Variants in GSE1 observed in about 807,000 individuals in gnomAD.
GSE1 encodes the protein Gse1 coiled-coil protein.
GSE1 carries 32 observed loss-of-function variants against 112.6 expected under a neutral mutation model. The ratio of observed to expected loss-of-function variants is 0.28; its 90% CI spans 0.21 to 0.38. The LOEUF (loss-of-function observed/expected upper bound fraction) is 0.38, where lower values mean the gene tolerates loss of function less well. Ranked by LOEUF, GSE1 falls within the 10% of genes least tolerant of loss-of-function variation. GSE1 has a pLI of 1.00. For synonymous variants in GSE1, 1,115 were observed against 735.6 expected (o/e 1.52, Z -8.35); for missense variants, 2,348 against 1,699.2 (o/e 1.38, Z -6.71).
intron 1 of GSE1, among the ~76,000 whole-genome samples, chr16:85,217,526 G>A (rs1025236093): frequency 6.6e-6 from 1 of 152,254 alleles, no homozygotes; most frequent in African/African-American, 2.4e-5. Context: ...GGCTCAGAGA[G>A]TGCGTGACTT....
At chr16:85,309,987 C>G (rs1407952421) in intron 1 of GSE1, among the ~76,000 whole-genome samples, 6 of 152,258 alleles carry the variant, frequency 3.9e-5, no homozygotes, top group Non-Finnish European at 8.8e-5. Flanking sequence ...GTGCTTTCCA[C>G]ATGACCTGCC....
At chr16:85,520,732 A>G (rs1278441510) in intron 2 of GSE1, among the ~76,000 whole-genome samples, 1 of 152,030 alleles carries the variant, frequency 6.6e-6, no homozygotes, top group Non-Finnish European at 1.5e-5. Flanking sequence ...CCCTGCTCCT[A>G]TTTTTATTCT....
At chr16:85,526,943 A>T (rs1234906183) in intron 2 of GSE1, among the ~76,000 whole-genome samples, 5 of 152,234 alleles carry the variant, frequency 3.3e-5, no homozygotes, top group African/African-American at 1.2e-4. Flanking sequence ...TCATCTATTT[A>T]ATTAAGTAGC....
intron 1 of GSE1, among the ~76,000 whole-genome samples, chr16:85,628,394 G>T (rs1004003822): frequency 2.0e-5 from 3 of 152,242 alleles, no homozygotes; most frequent in African/African-American, 7.2e-5. Flanking sequence ...GCTGGAGGGG[G>T]CCCATGGGGC....
chr16:85,358,837 G>A (rs531073935), intron 2 of GSE1, among the ~76,000 whole-genome samples: 7 of 152,198 alleles, frequency 4.6e-5, no homozygotes, highest in Admixed American at 2.6e-4. Flanking sequence ...CTGCTCTGCC[G>A]TTGCCTTGAG....
chr16:85,354,842 C>T (rs188288299), intron 1 of GSE1, among the ~76,000 whole-genome samples: 2 of 152,372 alleles, frequency 1.3e-5, no homozygotes, highest in East Asian at 3.9e-4. Flanking sequence ...TGCAGCATTT[C>T]CTGAGATGAC....
chr16:85,494,131 C>G (rs1432236254), intron 2 of GSE1, among the ~76,000 whole-genome samples: 1 of 152,246 alleles, frequency 6.6e-6, no homozygotes, highest in Non-Finnish European at 1.5e-5. Flanking sequence ...TTACCCCGAA[C>G]AGAGGGGCTT....
upstream of GSE1, chr16:85,555,358 A>G (rs994306888): frequency 3.1e-6 from 3 of 974,752 alleles, no homozygotes; most frequent in South Asian, 9.8e-5. Context: ...TCTCTGAGTC[A>G]GTGGTGGGAC....
At chr16:85,292,499 T>C (rs565080558) in intron 1 of GSE1, among the ~76,000 whole-genome samples, 1 of 152,226 alleles carries the variant, frequency 6.6e-6, no homozygotes, top group South Asian at 2.1e-4. Context: ...CAGCTAATTT[T>C]TGTATTTTTA....
intron 1 of GSE1, among the ~76,000 whole-genome samples, chr16:85,203,552 C>G (rs543890997): frequency 2.6e-5 from 4 of 152,142 alleles, no homozygotes; most frequent in Admixed American, 6.5e-5. Context: ...GTGCAGGACA[C>G]GGAAGGGGAG....
intron 2 of GSE1, among the ~76,000 whole-genome samples, chr16:85,550,524 C>T (rs1180197542): frequency 6.6e-6 from 1 of 152,052 alleles, no homozygotes. Context: ...AGCCACGCAG[C>T]TTCCCCGCCC....
chr16:85,331,383 G>GTA (rs1289238593), intron 1 of GSE1, among the ~76,000 whole-genome samples: 21 of 115,778 alleles, frequency 1.8e-4, no homozygotes, highest in South Asian at 8.5e-4. Context: ...GTATATATAT[G>GTA]TATATATATG....
intron 1 of GSE1, among the ~76,000 whole-genome samples, chr16:85,342,626 A>G (rs553938552): frequency 6.6e-5 from 10 of 152,246 alleles, no homozygotes; most frequent in Admixed American, 5.9e-4. Flanking sequence ...GTGAGGTTCA[A>G]GGCGCACCAG....
Position 85,171,788 on chromosome 16 carries a change from C to T in GSE1, c.2264C>T (p.Pro755Leu), listed in dbSNP as rs571831390. The stretch of plus-strand genomic sequence containing the variant: ...CAAGGACCCATGAGCTGGAGCTCCC[C>T]GGTGGCAGCAGCGACGAAGGTAAGC... Residue 755 changes from proline (P) to leucine (L), a missense_variant, in exon 1 of 3, where the codon CCG (proline) becomes CTG (leucine). Physicochemically the swap from Pro to Leu is moderately conservative, Grantham distance 98. Transcript: ENST00000637419. 281 of 985,586 alleles carry T rather than the reference C, an allele frequency of 2.9e-4. No homozygotes were observed. In the African/African-American group the frequency reaches 4.3e-3, roughly 15 times the overall value. 61.1% of individuals were successfully genotyped at this position (985,586 alleles called of 1,614,324 possible).
At chr16:85,272,272 G>A (rs890194817) in intron 1 of GSE1, among the ~76,000 whole-genome samples, 1 of 152,230 alleles carries the variant, frequency 6.6e-6, no homozygotes, top group Non-Finnish European at 1.5e-5. Context: ...AGGGCTATGC[G>A]CGTGGGACGA....
At chr16:85,592,566 G>GC (rs1448249399) in intron 1 of GSE1, 1 of 152,224 alleles carries the variant, frequency 6.6e-6, no homozygotes, top group African/African-American at 2.4e-5. Context: ...TCTACCCGTG[G>GC]CCCCTTCTTC....
At chr16:85,369,096 G>A (rs539189952) in intron 2 of GSE1, among the ~76,000 whole-genome samples, 18 of 152,296 alleles carry the variant, frequency 1.2e-4, no homozygotes, top group Admixed American at 2.6e-4. Context: ...CGGATCTCAC[G>A]AGGCTAAATT....
intron 1 of GSE1, among the ~76,000 whole-genome samples, chr16:85,314,192 G>A (rs144409991): frequency 6.6e-6 from 1 of 152,270 alleles, no homozygotes; most frequent in Non-Finnish European, 1.5e-5. Flanking sequence ...CACAGAGCCC[G>A]GGGAGTGAGA....
rs1448962661 is a variant in GSE1, at chr16:85,408,968, A to G, written c.2464+51325A>G. 3.2e-3 allele frequency among the ~76,000 whole-genome samples: 14 copies of G among 4,350 alleles called. 4 individuals are homozygous for G. The highest frequency in any genetic ancestry group is 0.011 in the Non-Finnish European group (11 of 1,032). 2.9% of individuals were successfully genotyped at this position (4,350 alleles called of 152,430 possible). The stretch of plus-strand genomic sequence containing the variant: ...GGCCCCCTGGATAATCCTCACTGTT[A>G]CACTCAGGGCCCCCTGGATAATCCT... On this transcript the variant is annotated intron_variant, in intron 2 of 2. Transcript: ENST00000637419.
Sources: gnomAD v4.1 joint callset for allele counts (sites outside exome capture counted in the v4.1 genomes callset) on GRCh38, gnomAD v4.1.1 for gene constraint, MANE v1.5 for transcripts, NCBI Gene and HGNC (gene_info 2026-07-23, HGNC 2026-07-21) for gene names.